DNAH14: variants seen among roughly 807,000 people sequenced by gnomAD.
The protein encoded by DNAH14 is dynein axonemal heavy chain 14.
In DNAH14, 478 loss-of-function variants were observed where a neutral mutation model predicts 520.9. The observed-to-expected ratio is 0.92, with a 90% confidence interval of 0.85 to 0.99. The LOEUF is 0.99. DNAH14 is among the 50% of genes least tolerant of loss of function. The pLI is 0.00. For missense variants in DNAH14, 4,831 were observed against 5,234.5 expected, an observed-to-expected ratio of 0.92 and a Z score of 2.38; for synonymous variants, 1,581 against 1,757.2, an observed-to-expected ratio of 0.90 and a Z score of 2.51.
At chr1:225,119,196 T>C in intron 25 of DNAH14, 24 bp from the exon 26 acceptor site, 1 of 1,451,296 alleles carries the variant, frequency 6.9e-7, no homozygotes, top group Non-Finnish European at 9.2e-7. Flanking sequence ...TTCTTCATGA[T>C]ATTATTTTTG....
intron 12 of DNAH14, 73 bp from the exon 13 acceptor site, chr1:225,042,762 G>T: frequency 6.9e-7 from 1 of 1,450,198 alleles, no homozygotes; most frequent in Non-Finnish European, 9.2e-7. Context: ...TAAAATTTTG[G>T]TCTGTATTCT....
intron 15 of DNAH14, among the ~76,000 whole-genome samples, chr1:225,049,773 C>CCTATCTATCTAT (rs3047105): frequency 0.02 from 2,851 of 142,984 alleles, 43 homozygotes; most frequent in Non-Finnish European, 0.029. Flanking sequence ...TATCTATCTA[C>CCTATCTATCTAT]CTATCTATCT....
chr1:225,039,315 C>A (rs1442861116), intron 12 of DNAH14, among the ~76,000 whole-genome samples: 1 of 152,084 alleles, frequency 6.6e-6, no homozygotes, highest in Admixed American at 6.5e-5. Context: ...TGCTTTTGTT[C>A]AAAGCATTTT....
rs1224099072 is a variant in DNAH14 at position 225,073,607 on chromosome 1, C to T, written c.2425-5600C>T. 3.9e-5 allele frequency among the ~76,000 whole-genome samples: 6 copies of T among 152,242 alleles called. No individual in the cohort carries two copies. The East Asian group carries it at 1.2e-3, about 29-fold the overall frequency. The stretch of plus-strand genomic sequence containing the variant: ...ACAGCAAAGATGGCGGCCCGCTCCT[C>T]CCTCTGGGAGCTCTGTCTTAGGAAG... On this transcript the variant is annotated intron_variant, in intron 17 of 85. Coordinates refer to ENST00000682510, the MANE Select transcript of DNAH14 (RefSeq NM_001367479.1).
chr1:225,387,172 G>A (rs1478398744), intron 81 of DNAH14, among the ~76,000 whole-genome samples: 1 of 151,950 alleles, frequency 6.6e-6, no homozygotes, highest in Non-Finnish European at 1.5e-5. Flanking sequence ...TCACTCATAG[G>A]TGGGAACTGA....
chr1:225,380,363 C>G, intron 80 of DNAH14, 41 bp downstream of exon 80: 3 of 1,516,300 alleles, frequency 2.0e-6, no homozygotes, highest in Non-Finnish European at 2.7e-6. Context: ...ACCTCACTCT[C>G]CTCAAGAAAG....
intron 11 of DNAH14, among the ~76,000 whole-genome samples, chr1:225,034,350 A>G (rs1360928306): frequency 6.6e-6 from 1 of 152,074 alleles, no homozygotes; most frequent in Non-Finnish European, 1.5e-5. Flanking sequence ...TGTTTATGTG[A>G]TGAATCACAT....
chr1:225,189,006 A>G (rs115524083), intron 37 of DNAH14, among the ~76,000 whole-genome samples: 2,377 of 151,928 alleles, frequency 0.016, 51 homozygotes, highest in East Asian at 0.053. Flanking sequence ...ACCCCTTATC[A>G]TGTTAAGGAA....
rs548479213 is a variant in DNAH14, at chr1:225,237,513, C to T, written c.6519-3080C>T. Among the ~76,000 whole-genome samples, 4 of 152,266 alleles carry T rather than the reference C, an allele frequency of 2.6e-5. No homozygotes were observed. The South Asian group carries it at 6.2e-4, about 24-fold the overall frequency. On this transcript the variant is annotated intron_variant, in intron 42 of 85. Transcript: ENST00000682510. ...TGATGTGCTTCACTTTGTAGGTGAC[C>T]TGGCCTTTCTCTCTGGCTGCCCTTA...
At chr1:225,217,346 A>G (rs2089500281) in intron 41 of DNAH14, among the ~76,000 whole-genome samples, 1 of 152,136 alleles carries the variant, frequency 6.6e-6, no homozygotes, top group South Asian at 2.1e-4. Flanking sequence ...CTCCTCAGGC[A>G]TCAGGGACTC....
chr1:225,113,832 CT>C (rs2148834232), intron 23 of DNAH14, among the ~76,000 whole-genome samples: 1 of 151,904 alleles, frequency 6.6e-6, no homozygotes, highest in African/African-American at 2.4e-5. Context: ...TCTTTAGTTA[CT>C]TTGTAGTAAA....
chr1:225,391,215 T>C (rs574180399), intron 83 of DNAH14, among the ~76,000 whole-genome samples: 1 of 152,172 alleles, frequency 6.6e-6, no homozygotes, highest in East Asian at 1.9e-4. Context: ...ACCACTGAAG[T>C]GTTCCAGGCC....
At chr1:225,127,320 C>T (rs2077836409) in intron 27 of DNAH14, among the ~76,000 whole-genome samples, 2 of 150,068 alleles carry the variant, frequency 1.3e-5, no homozygotes, top group Non-Finnish European at 3.0e-5. Flanking sequence ...TTAAAGTCTC[C>T]CATTATTATT....
intron 10 of DNAH14, among the ~76,000 whole-genome samples, chr1:225,008,138 T>C (rs2064341433): frequency 6.6e-6 from 1 of 152,002 alleles, no homozygotes. Context: ...TATGTTCTCA[T>C]TGTTCATCTC....
chr1:224,962,625 T>G (rs1274554745), intron 4 of DNAH14, among the ~76,000 whole-genome samples: 1 of 152,162 alleles, frequency 6.6e-6, no homozygotes, highest in Non-Finnish European at 1.5e-5. Flanking sequence ...GCTGACACTT[T>G]GATTTCTGCC....
intron 65 of DNAH14, among the ~76,000 whole-genome samples, chr1:225,333,061 A>G (rs952180062): frequency 9.2e-5 from 14 of 152,182 alleles, no homozygotes; most frequent in Non-Finnish European, 1.5e-4. Flanking sequence ...ATGGCTGTGT[A>G]TCTATCTTAG....
At chr1:224,989,090 C>T (rs1233524096) in intron 8 of DNAH14, among the ~76,000 whole-genome samples, 2 of 152,152 alleles carry the variant, frequency 1.3e-5, no homozygotes, top group Non-Finnish European at 2.9e-5. Context: ...TAAATTACAA[C>T]ATGAATTTTA....
intron 33 of DNAH14, 66 bp from the exon 34 acceptor site, chr1:225,153,684 T>G: frequency 8.9e-7 from 1 of 1,127,394 alleles, no homozygotes; most frequent in Non-Finnish European, 1.3e-6. Flanking sequence ...CTATATACTG[T>G]GTGCATTTGT....
At chr1:225,207,843 A>G (rs1573991787) in intron 41 of DNAH14, among the ~76,000 whole-genome samples, 1 of 152,204 alleles carries the variant, frequency 6.6e-6, no homozygotes, top group African/African-American at 2.4e-5. Context: ...AAGAGGAAGC[A>G]GCAACACTGA....
Sources: allele counts gnomAD v4.1 joint callset (sites outside exome capture counted in the v4.1 genomes callset), GRCh38; gene constraint gnomAD v4.1.1; transcripts MANE v1.5; gene names NCBI Gene and HGNC (gene_info 2026-07-23, HGNC 2026-07-21).